The following KCNIP4 variants were observed in gnomAD, a reference collection of about 807,000 sequenced individuals.
KCNIP4 encodes Kv channel-interacting protein 4.
In KCNIP4, 12 loss-of-function variants were observed where a neutral mutation model predicts 34.0. The ratio of observed to expected loss-of-function variants is 0.35; its 90% CI spans 0.23 to 0.57. The LOEUF is 0.57. Ranked by LOEUF, KCNIP4 falls within the 20% of genes least tolerant of loss-of-function variation. The probability of loss-of-function intolerance (pLI) is 0.83; values close to 1 mark genes in which losing one functional copy is unlikely to be tolerated. For synonymous variants in KCNIP4, 124 were observed against 102.2 expected (o/e 1.21, Z -1.29); for missense variants, 238 against 311.7 (o/e 0.76, Z 1.78).
At chr4:20,761,335 C>T (rs780688595) in intron 3 of KCNIP4, among the ~76,000 whole-genome samples, 1 of 152,132 alleles carries the variant, frequency 6.6e-6, no homozygotes, top group Non-Finnish European at 1.5e-5. Context: ...CTCTGAAGGA[C>T]CCTAATACAT....
At chr4:20,845,628 G>A (rs1720275088) in intron 3 of KCNIP4, among the ~76,000 whole-genome samples, 1 of 152,152 alleles carries the variant, frequency 6.6e-6, no homozygotes, top group African/African-American at 2.4e-5. Context: ...GTGATGGGAT[G>A]AGATGCCACA....
intron 3 of KCNIP4, among the ~76,000 whole-genome samples, chr4:20,794,805 T>C (rs1054725247): frequency 6.6e-6 from 1 of 152,224 alleles, no homozygotes; most frequent in Non-Finnish European, 1.5e-5. Flanking sequence ...CAGAGCAGTC[T>C]TTACATGATC....
chr4:21,355,945 T>G (rs1003427753), intron 1 of KCNIP4, among the ~76,000 whole-genome samples: 7 of 152,120 alleles, frequency 4.6e-5, no homozygotes, highest in African/African-American at 1.7e-4. Flanking sequence ...ATCAAAAAGC[T>G]TATCCACCAT....
chr4:21,324,774 G>T (rs1714865625), intron 1 of KCNIP4, among the ~76,000 whole-genome samples: 2 of 151,278 alleles, frequency 1.3e-5, no homozygotes. Flanking sequence ...TTTTAGGACA[G>T]TTTTTTCTAT....
At chr4:21,437,975 A>ATAAC (rs1230301401) in intron 1 of KCNIP4, among the ~76,000 whole-genome samples, 1 of 150,140 alleles carries the variant, frequency 6.7e-6, no homozygotes, top group Non-Finnish European at 1.5e-5. Flanking sequence ...TGCTCTTGTT[A>ATAAC]TTTTAGTTCA....
chr4:21,024,847 A>G (rs1024932847), intron 1 of KCNIP4, among the ~76,000 whole-genome samples: 6 of 152,332 alleles, frequency 3.9e-5, no homozygotes, highest in African/African-American at 1.2e-4. Flanking sequence ...TAGAAAATGT[A>G]TCTTTGGATC....
chr4:21,415,536 A>C (rs934400829), intron 1 of KCNIP4, among the ~76,000 whole-genome samples: 2 of 150,440 alleles, frequency 1.3e-5, no homozygotes, highest in Admixed American at 1.3e-4. Flanking sequence ...TACTAAAATT[A>C]CAAAAAAAAA....
At chr4:21,122,457 GTT>G (rs10553440) in intron 1 of KCNIP4, among the ~76,000 whole-genome samples, 30,066 of 126,226 alleles carry the variant, frequency 0.24, 3,960 homozygotes, top group East Asian at 0.38. Flanking sequence ...TGCAGATCAA[GTT>G]TTTTTTTTTT....
chr4:21,058,031 G>T (rs1560684048), intron 1 of KCNIP4, among the ~76,000 whole-genome samples: 1 of 152,072 alleles, frequency 6.6e-6, no homozygotes, highest in Non-Finnish European at 1.5e-5. Context: ...AATGAAAAAA[G>T]AGAGAAGAAA....
chr4:21,786,243 G>A (rs994604202), intron 1 of KCNIP4, among the ~76,000 whole-genome samples: 1 of 152,044 alleles, frequency 6.6e-6, no homozygotes, highest in Non-Finnish European at 1.5e-5. Context: ...CACCATGCCC[G>A]GCCTCGCTTC....
intron 1 of KCNIP4, among the ~76,000 whole-genome samples, chr4:21,413,207 A>G (rs1203219846): frequency 6.6e-6 from 1 of 152,122 alleles, no homozygotes. Flanking sequence ...GGGTAAGTAG[A>G]TGTGAGACGT....
At chr4:20,898,761 A>G (rs1000073674) in intron 1 of KCNIP4, among the ~76,000 whole-genome samples, 5 of 152,200 alleles carry the variant, frequency 3.3e-5, no homozygotes, top group Admixed American at 1.3e-4. Context: ...ATTTATGTCT[A>G]TATCTATATC....
chr4:21,342,281 AAG>A (rs1421134422), intron 1 of KCNIP4, among the ~76,000 whole-genome samples: 2 of 152,170 alleles, frequency 1.3e-5, no homozygotes, highest in Admixed American at 1.3e-4. Context: ...GAGAGGATGA[AAG>A]AGAGACAAAA....
At chr4:20,904,676 GT>G (rs1387201303) in intron 1 of KCNIP4, among the ~76,000 whole-genome samples, 10 of 152,082 alleles carry the variant, frequency 6.6e-5, no homozygotes, top group Admixed American at 5.2e-4. Flanking sequence ...AGCCTTAACT[GT>G]TTTTTTCTGA....
At chr4:21,082,095 T>C (rs751244967) in intron 1 of KCNIP4, among the ~76,000 whole-genome samples, 33 of 152,056 alleles carry the variant, frequency 2.2e-4, no homozygotes, top group Non-Finnish European at 3.4e-4. Flanking sequence ...ATGCAGAACC[T>C]GACTTTTTCA....
intron 3 of KCNIP4, among the ~76,000 whole-genome samples, chr4:20,780,249 T>G (rs1346648980): frequency 1.3e-5 from 2 of 152,274 alleles, no homozygotes; most frequent in Middle Eastern, 3.4e-3. Flanking sequence ...GAGACCATCA[T>G]TTAGGATGTC....
chr4:20,922,288 G>T (rs563700129), intron 1 of KCNIP4, among the ~76,000 whole-genome samples: 1 of 152,316 alleles, frequency 6.6e-6, no homozygotes, highest in African/African-American at 2.4e-5. Flanking sequence ...CCTCACTAAT[G>T]TGAGTGGGCA....
chr4:21,142,117 C>T (rs774068113), intron 1 of KCNIP4, among the ~76,000 whole-genome samples: 1 of 144,672 alleles, frequency 6.9e-6, no homozygotes, highest in Non-Finnish European at 1.5e-5. Flanking sequence ...TGCCACTGCA[C>T]TCCAGCCTGG....
intron 1 of KCNIP4, among the ~76,000 whole-genome samples, chr4:21,437,191 A>G (rs1474180727): frequency 3.3e-5 from 5 of 152,188 alleles, no homozygotes; most frequent in Admixed American, 2.6e-4. Context: ...AGCAGAAGGT[A>G]ATTGACTGTT....
Sources: gnomAD v4.1 joint callset for allele counts (sites outside exome capture counted in the v4.1 genomes callset) on GRCh38, gnomAD v4.1.1 for gene constraint, MANE v1.5 for transcripts, NCBI Gene and HGNC (gene_info 2026-07-23, HGNC 2026-07-21) for gene names.